LHFPL3: variants seen among roughly 807,000 people sequenced by gnomAD.
The protein encoded by LHFPL3 is LHFPL tetraspan subfamily member 3.
Under a neutral mutation model 19.3 loss-of-function variants are expected in LHFPL3, and 5 were observed. That is an observed-to-expected ratio of 0.26 (90% CI 0.14 to 0.54). The LOEUF (loss-of-function observed/expected upper bound fraction) is 0.54, where lower values mean the gene tolerates loss of function less well. LHFPL3 is among the 20% of genes least tolerant of loss of function. The pLI, the probability that LHFPL3 is intolerant of heterozygous loss-of-function variation, is 0.94. For missense variants in LHFPL3, 249 were observed against 307.4 expected (o/e 0.81, Z 1.42); for synonymous variants, 133 against 126.2 (o/e 1.05, Z -0.36).
intron 1 of LHFPL3, among the ~76,000 whole-genome samples, chr7:104,459,892 G>A (rs750112480): frequency 2.6e-5 from 4 of 152,148 alleles, no homozygotes; most frequent in Admixed American, 6.5e-5. Context: ...GAGTATATGT[G>A]CAGGTTTGTT....
intron 1 of LHFPL3, among the ~76,000 whole-genome samples, chr7:104,648,519 G>A (rs55964746): frequency 0.016 from 2,466 of 152,252 alleles, 67 homozygotes; most frequent in African/African-American, 0.056. Flanking sequence ...TTGAGGACAC[G>A]AAACTTGTAA....
chr7:104,508,888 AG>A (rs1793755874), intron 1 of LHFPL3, among the ~76,000 whole-genome samples: 1 of 152,056 alleles, frequency 6.6e-6, no homozygotes, highest in Non-Finnish European at 1.5e-5. Context: ...AGTAGAGAGG[AG>A]AAACAAATCA....
intron 1 of LHFPL3, among the ~76,000 whole-genome samples, chr7:104,482,362 C>A (rs933775344): frequency 6.6e-6 from 1 of 152,204 alleles, no homozygotes; most frequent in African/African-American, 2.4e-5. Flanking sequence ...AGTCTAGAAG[C>A]CCTCTTGTGG....
At chr7:104,790,502 G>C (rs1790004864) in intron 2 of LHFPL3, among the ~76,000 whole-genome samples, 1 of 152,004 alleles carries the variant, frequency 6.6e-6, no homozygotes, top group Admixed American at 6.6e-5. Context: ...GCAGTGTCTT[G>C]TTTATTCTTT....
intron 1 of LHFPL3, among the ~76,000 whole-genome samples, chr7:104,488,557 G>T (rs996003474): frequency 3.9e-5 from 6 of 152,048 alleles, no homozygotes; most frequent in Non-Finnish European, 7.4e-5. Context: ...CTCATCTTCA[G>T]ATCCTAAGAA....
chr7:104,740,499 C>T lies in LHFPL3; in HGVS notation c.682+3588C>T, dbSNP rs144859466. ...AGGCCACTGTATTAGTCTGTTCTCACGCTGCTAATAAAGACATACCTGAGA... is the reference window on the plus strand; with the variant it reads ...AGGCCACTGTATTAGTCTGTTCTCATGCTGCTAATAAAGACATACCTGAGA... On this transcript the variant is annotated intron_variant, in intron 2 of 2. Transcript: ENST00000424859. 6.2e-3 allele frequency among the ~76,000 whole-genome samples: 946 copies of T among 152,258 alleles called. 14 individuals are homozygous for T. Among genetic ancestry groups the T allele is most frequent in the Admixed American group, 0.029 (437 of 15,290 alleles).
chr7:104,823,790 T>C (rs79945153), intron 2 of LHFPL3, among the ~76,000 whole-genome samples: 84 of 152,196 alleles, frequency 5.5e-4, no homozygotes, highest in Admixed American at 2.0e-3. Flanking sequence ...CATTTGCTGA[T>C]ATGGCCACTA....
intron 2 of LHFPL3, among the ~76,000 whole-genome samples, chr7:104,781,376 T>C (rs1794712586): frequency 6.6e-6 from 1 of 152,092 alleles, no homozygotes; most frequent in African/African-American, 2.4e-5. Flanking sequence ...TCATCATTTT[T>C]CCCATCTCTC....
At chr7:104,385,820 A>G (rs1056660781) in intron 1 of LHFPL3, among the ~76,000 whole-genome samples, 1 of 152,208 alleles carries the variant, frequency 6.6e-6, no homozygotes, top group African/African-American at 2.4e-5. Context: ...TTCTTCTTTT[A>G]ATATGGAAGT....
intron 1 of LHFPL3, among the ~76,000 whole-genome samples, chr7:104,444,840 T>G (rs1792296940): frequency 6.6e-6 from 1 of 152,042 alleles, no homozygotes; most frequent in Non-Finnish European, 1.5e-5. Context: ...AATACAAAAT[T>G]AGCCAGGTAT....
intron 2 of LHFPL3, among the ~76,000 whole-genome samples, chr7:104,769,953 T>C (rs915403941): frequency 9.2e-5 from 14 of 152,202 alleles, no homozygotes; most frequent in African/African-American, 3.4e-4. Flanking sequence ...ATTAACATTT[T>C]ATTTTTGACA....
chr7:104,819,309 C>T (rs191342382), intron 2 of LHFPL3, among the ~76,000 whole-genome samples: 2 of 150,634 alleles, frequency 1.3e-5, no homozygotes, highest in Admixed American at 6.6e-5. Context: ...CAGTTCAGTT[C>T]TATGCAAACA....
chr7:104,640,014 T>C (rs935404096), intron 1 of LHFPL3, among the ~76,000 whole-genome samples: 3 of 152,188 alleles, frequency 2.0e-5, no homozygotes, highest in Non-Finnish European at 4.4e-5. Flanking sequence ...TCATGTCATC[T>C]CCCTTTTCTC....
At chr7:104,345,913 T>C (rs1431730641) in intron 1 of LHFPL3, among the ~76,000 whole-genome samples, 1 of 152,234 alleles carries the variant, frequency 6.6e-6, no homozygotes, top group Non-Finnish European at 1.5e-5. Context: ...CCATGGTTAA[T>C]GTCAGCTTTA....
At chr7:104,657,917 C>T (rs1792148737) in intron 1 of LHFPL3, among the ~76,000 whole-genome samples, 1 of 152,168 alleles carries the variant, frequency 6.6e-6, no homozygotes, top group South Asian at 2.1e-4. Context: ...TACTAACTTG[C>T]CAGTAGAGAG....
chr7:104,869,323 T>A (rs1375964002), intron 2 of LHFPL3, among the ~76,000 whole-genome samples: 1 of 151,874 alleles, frequency 6.6e-6, no homozygotes, highest in Admixed American at 6.6e-5. Flanking sequence ...TGGGAGAAAA[T>A]TTTTTGCAAT....
intron 1 of LHFPL3, among the ~76,000 whole-genome samples, chr7:104,426,135 C>T (rs1443401047): frequency 2.6e-5 from 4 of 152,118 alleles, no homozygotes. Context: ...CATTTTTATT[C>T]TTATGTATGG....
rs139898116 is a variant in LHFPL3 at position 104,380,716 on chromosome 7, A to G, written c.445+51492A>G. ...CATTTTAGGAGAAATATTTGTGACT[A>G]ATGAATTCTAAAGCATAGATGCAAA... On this transcript the variant is annotated intron_variant, in intron 1 of 2. Coordinates refer to ENST00000424859, the MANE Select transcript of LHFPL3 (RefSeq NM_199000.3). Among the ~76,000 whole-genome samples, 32 of 152,350 alleles carry G rather than the reference A, an allele frequency of 2.1e-4. No homozygotes were observed. The East Asian group carries it at 6.0e-3, about 28-fold the overall frequency.
intron 1 of LHFPL3, among the ~76,000 whole-genome samples, chr7:104,556,299 C>T (rs556089384): frequency 5.3e-5 from 8 of 152,324 alleles, no homozygotes; most frequent in Non-Finnish European, 8.8e-5. Flanking sequence ...ATGAGGGTCC[C>T]CCCCCTGCAG....
Sources: gnomAD v4.1 joint callset for allele counts (sites outside exome capture counted in the v4.1 genomes callset) on GRCh38, gnomAD v4.1.1 for gene constraint, MANE v1.5 for transcripts, NCBI Gene and HGNC (gene_info 2026-07-23, HGNC 2026-07-21) for gene names.